Variants in SHISAL1 observed in about 807,000 individuals in gnomAD.
SHISAL1 encodes protein shisa-like-1.
In SHISAL1, 9 loss-of-function variants were observed where a neutral mutation model predicts 22.6. The observed-to-expected ratio is 0.40, with a 90% CI of 0.24 to 0.70. SHISAL1 has a LOEUF of 0.70. Among genes scored for constraint, SHISAL1 ranks in the 30% least tolerant of loss-of-function variants. SHISAL1 has a pLI of 0.39. For missense variants in SHISAL1, 246 were observed against 270.6 expected (o/e 0.91, Z 0.64); for synonymous variants, 119 against 115.4 (o/e 1.03, Z -0.20).
intron 4 of SHISAL1, among the ~76,000 whole-genome samples, chr22:44,250,196 A>G (rs1035611001): frequency 1.3e-5 from 2 of 152,236 alleles, no homozygotes; most frequent in African/African-American, 4.8e-5. Context: ...TTTATCCTCA[A>G]AAGTATTCTG....
chr22:44,305,033 C>A lies in SHISAL1; in HGVS notation c.-32-4056G>T, dbSNP rs138649493. 2.8e-3 allele frequency among the ~76,000 whole-genome samples: 427 copies of A among 151,868 alleles called. 4 individuals are homozygous for A. The highest frequency in any genetic ancestry group is 0.01 in the Middle Eastern group (3 of 292). ...CTGATGTTGCGGGGCTGATGTTCAC[C>A]CCTGGGGGGTACTCTTCCTTCACCC... On this transcript the variant is annotated intron_variant, in intron 1 of 4. Coordinates refer to ENST00000381176, the MANE Select transcript of SHISAL1 (RefSeq NM_001099294.2).
intron 1 of SHISAL1, among the ~76,000 whole-genome samples, chr22:44,308,546 C>T (rs1233281662): frequency 6.6e-6 from 1 of 152,222 alleles, no homozygotes; most frequent in African/African-American, 2.4e-5. Flanking sequence ...TGGGTGGCCA[C>T]CTCTCAGGGC....
At chr22:44,323,346 TCATCCATCCATGCATCCATCCACCATC>T in the SHISAL1 span, among the ~76,000 whole-genome samples, 1 of 96,654 alleles carries the variant, frequency 1.0e-5, no homozygotes, top group South Asian at 4.2e-4. Context: ...ATCCACCCAT[TCATCCATCCATGCATCCATCCACCATC>T]CATCCATCCA....
rs1365941143 is a variant in SHISAL1 at position 44,265,582 on chromosome 22, ACT to A, written c.*-15899_*-15898del. Among the ~76,000 whole-genome samples, 4 of 152,090 alleles carry A rather than the reference ACT, an allele frequency of 2.6e-5. No homozygotes were observed. The East Asian group carries it at 7.8e-4, about 29-fold the overall frequency. On this transcript the variant is annotated intron_variant, in intron 4 of 4. Transcript: ENST00000381176. ...GGAGACCTAGTGAAGCCACACCCTGACTCACACCTTTCTGACTCACAGAAAGG... is the reference window on the plus strand; with the variant it reads ...GGAGACCTAGTGAAGCCACACCCTGACACACCTTTCTGACTCACAGAAAGG...
chr22:44,249,860 T>C (rs1263541682), intron 4 of SHISAL1, among the ~76,000 whole-genome samples, 175 bp from the exon 5 acceptor site: 3 of 152,188 alleles, frequency 2.0e-5, no homozygotes, highest in African/African-American at 7.2e-5. Context: ...ATGTCTGCTA[T>C]CATTATAGCT....
intron 4 of SHISAL1, among the ~76,000 whole-genome samples, chr22:44,281,878 G>A (rs2055279104): frequency 6.6e-6 from 1 of 152,182 alleles, no homozygotes; most frequent in Non-Finnish European, 1.5e-5. Flanking sequence ...GCCCCTGCTG[G>A]CTCCTAACTC....
intron 1 of SHISAL1, among the ~76,000 whole-genome samples, chr22:44,301,794 A>G (rs1403955086): frequency 6.6e-6 from 1 of 152,216 alleles, no homozygotes; most frequent in Middle Eastern, 3.2e-3. Flanking sequence ...TGAACTAGGC[A>G]AGGCACAAAA....
intron 4 of SHISAL1, among the ~76,000 whole-genome samples, chr22:44,260,679 C>T (rs1446136487): frequency 1.3e-5 from 2 of 152,358 alleles, no homozygotes; most frequent in Admixed American, 6.5e-5. Context: ...TGCCTGTAGG[C>T]CACAGTCTGG....
intron 4 of SHISAL1, among the ~76,000 whole-genome samples, chr22:44,280,741 C>CT (rs135402): frequency 1.5e-4 from 5 of 32,852 alleles, no homozygotes; most frequent in Non-Finnish European, 5.2e-4. Context: ...AGGATGTCAG[C>CT]CCCCATCAGG....
intron 4 of SHISAL1, among the ~76,000 whole-genome samples, chr22:44,266,511 GT>G: frequency 8.6e-6 from 1 of 116,092 alleles, no homozygotes; most frequent in African/African-American, 3.7e-5. Flanking sequence ...GTATGTGTGT[GT>G]TGGGGGCTTT....
At chr22:44,315,300 C>T (rs2055551102), upstream of SHISAL1, among the ~76,000 whole-genome samples, 4 of 152,250 alleles carry the variant, frequency 2.6e-5, no homozygotes, top group South Asian at 4.2e-4. Context: ...AGCCCCCATC[C>T]ATTGCACACA....
chr22:44,312,083 C>A (rs1051000294), intron 1 of SHISAL1, among the ~76,000 whole-genome samples: 1 of 152,198 alleles, frequency 6.6e-6, no homozygotes, highest in Non-Finnish European at 1.5e-5. Context: ...TCCCCAGAAC[C>A]CCTTCCTCAC....
chr22:44,313,617 C>G (rs1736090585), upstream of SHISAL1, among the ~76,000 whole-genome samples: 1 of 152,230 alleles, frequency 6.6e-6, no homozygotes, highest in Admixed American at 6.5e-5. Flanking sequence ...CCATGACTGT[C>G]TGGACACAGC....
At position 44,247,472 on chromosome 22, in the gene SHISAL1, G is replaced by A. The variant is rs1162055198; in HGVS notation, c.*2213C>T. 2 of 152,368 alleles carry A rather than the reference G, an allele frequency of 1.3e-5. No homozygotes were observed. The highest frequency in any genetic ancestry group is 2.4e-5 in the African/African-American group (1 of 41,458). The allele number at this position is 152,368 out of a possible 1,614,324, so 9.4% of individuals were successfully genotyped here. On this transcript the variant is annotated 3_prime_UTR_variant, in exon 5 of 5. Transcript: ENST00000381176. ...TGGGACGGCTCACATCAGGGGAGAG[G>A]AAGCCATTCCTTTCTCCAATCGAGA...
intron 1 of SHISAL1, among the ~76,000 whole-genome samples, chr22:44,311,880 T>C (rs2055521352): frequency 6.6e-6 from 1 of 152,246 alleles, no homozygotes; most frequent in African/African-American, 2.4e-5. Flanking sequence ...CTGAGTTATT[T>C]GGTTGCACCA....
At chr22:44,319,843 C>T in the SHISAL1 span, among the ~76,000 whole-genome samples, 61 of 152,210 alleles carry the variant, frequency 4.0e-4, no homozygotes, top group Middle Eastern at 3.4e-3. Flanking sequence ...TGCACTGTGC[C>T]GGGGAAAGAA....
At chr22:44,276,955 G>A (rs1330432127) in intron 4 of SHISAL1, among the ~76,000 whole-genome samples, 1 of 152,174 alleles carries the variant, frequency 6.6e-6, no homozygotes, top group African/African-American at 2.4e-5. Context: ...AGGACCCTGC[G>A]GTGCAGAGAA....
intron 4 of SHISAL1, among the ~76,000 whole-genome samples, chr22:44,254,480 C>A (rs147424691): frequency 6.6e-6 from 1 of 152,162 alleles, no homozygotes; most frequent in African/African-American, 2.4e-5. Context: ...CCTGCCCTAG[C>A]CTCCTGTGTA....
At chr22:44,287,924 G>A (rs1183157534) in intron 3 of SHISAL1, among the ~76,000 whole-genome samples, 1 of 152,214 alleles carries the variant, frequency 6.6e-6, no homozygotes, top group Non-Finnish European at 1.5e-5. Flanking sequence ...GCAGCCACGG[G>A]GGCTGAGGGA....
Sources: allele counts gnomAD v4.1 joint callset (sites outside exome capture counted in the v4.1 genomes callset), GRCh38; gene constraint gnomAD v4.1.1; transcripts MANE v1.5; gene names NCBI Gene and HGNC (gene_info 2026-07-23, HGNC 2026-07-21).